PARG: variants seen among roughly 807,000 people sequenced by gnomAD.
PARG encodes poly(ADP-ribose) glycohydrolase.
In PARG, 35 loss-of-function variants were observed where a neutral mutation model predicts 113.0. The observed-to-expected ratio is 0.31, with a 90% CI of 0.24 to 0.41. The LOEUF is 0.41. Among genes scored for constraint, PARG ranks in the 10% least tolerant of loss-of-function variants. PARG has a pLI of 1.00. For missense variants in PARG, 797 were observed against 1,169.4 expected (o/e 0.68, Z 4.64); for synonymous variants, 330 against 409.9 (o/e 0.81, Z 2.36).
intron 13 of PARG, among the ~76,000 whole-genome samples, chr10:49,845,749 T>C (rs1554833200): frequency 6.6e-6 from 1 of 150,630 alleles, no homozygotes; most frequent in East Asian, 1.9e-4. Flanking sequence ...ATACAAAAAT[T>C]AGCTGAACAT....
At position 49,896,545 on chromosome 10, in the gene PARG, A is replaced by C. The variant is rs12266874; in HGVS notation, c.1738-11250T>G. The stretch of plus-strand genomic sequence containing the variant: ...GGTGATCCACCCGCCTTGGCCTCCC[A>C]GAGTGTTAGGATTACAGGCATGAGC... On this transcript the variant is annotated intron_variant, in intron 7 of 17. Transcript: ENST00000616448. Among the ~76,000 whole-genome samples the C allele has an allele frequency of 5.6e-3, 847 of 152,284 alleles. 3 individuals are homozygous for C. Among genetic ancestry groups the C allele is most frequent in the African/African-American group, 0.015 (628 of 41,548 alleles).
At chr10:49,935,324 A>G (rs1838693978) in intron 1 of PARG, among the ~76,000 whole-genome samples, 182 bp from the exon 2 acceptor site, 1 of 152,252 alleles carries the variant, frequency 6.6e-6, no homozygotes, top group African/African-American at 2.4e-5. Flanking sequence ...CACAGGGTAG[A>G]AAATGACTGG....
chr10:49,927,365 A>AGCAG (rs1404155495), intron 4 of PARG, among the ~76,000 whole-genome samples: 1 of 70,552 alleles, frequency 1.4e-5, no homozygotes, highest in African/African-American at 3.7e-5. Flanking sequence ...AAAGAAGGAA[A>AGCAG]GAAGGAAAGA....
Position 49,933,667 on chromosome 10 carries a change from T to C in PARG, c.781A>G (p.Ser261Gly), listed in dbSNP as rs1838602001. The C allele has an allele frequency of 6.2e-7, 1 of 1,610,402 alleles. No individual in the cohort carries two copies. The highest frequency in any genetic ancestry group is 1.7e-5 in the Admixed American group (1 of 59,984). ...TCAGAGCCAACATCTGACAATGGACTCTCTGGCACCACATCTATCTCATCT... is the reference window on the plus strand; with the variant it reads ...TCAGAGCCAACATCTGACAATGGACCCTCTGGCACCACATCTATCTCATCT... ...QQDEIDVVPE[S>G]PLSDVGSEDV... is the part of the protein sequence containing the mutation. Residue 261 changes from serine to glycine, a missense_variant, in exon 3 of 18, where the codon AGT becomes GGT. Coordinates refer to ENST00000616448, the MANE Select transcript of PARG (RefSeq NM_003631.5).
intron 11 of PARG, among the ~76,000 whole-genome samples, chr10:49,862,245 G>T (rs1347528633): frequency 6.6e-6 from 1 of 151,614 alleles, no homozygotes; most frequent in South Asian, 2.1e-4. Flanking sequence ...GGCCACTGAG[G>T]TATTGACTTA....
Position 49,933,382 on chromosome 10 carries a change from G to A in PARG, c.1066C>T (p.Arg356Trp), listed in dbSNP as rs1554910367. 3.2e-5 allele frequency: 51 copies of A among 1,613,282 alleles called. No homozygotes were observed. In the African/African-American group the frequency reaches 4.7e-4, roughly 15 times the overall value. ...ARDADIEFRK[R>W]YSTKGGEVRL... ...ACTTCACCGCCCTTAGTAGAGTACC[G>A]TTTCCTAAATTCAATGTCAGCGTCT... Residue 356 changes from arginine (R) to tryptophan (W), a missense_variant, in exon 3 of 18, where the codon CGG becomes TGG. Arg to Trp is a moderately radical substitution (Grantham distance 101). This residue lies in a region of PARG where 252 missense variants were observed against 437.4 expected (regional missense o/e 0.58). Coordinates refer to ENST00000616448, the MANE Select transcript of PARG (RefSeq NM_003631.5).
At chr10:49,847,314 T>C (rs1235224779) in intron 13 of PARG, among the ~76,000 whole-genome samples, 3 of 151,914 alleles carry the variant, frequency 2.0e-5, no homozygotes, top group Non-Finnish European at 2.9e-5. Context: ...AATTACAGAA[T>C]GAAAAAGTAT....
chr10:49,844,916 C>G (rs893890138), intron 13 of PARG, among the ~76,000 whole-genome samples: 14 of 152,130 alleles, frequency 9.2e-5, no homozygotes, highest in Non-Finnish European at 1.5e-5. Context: ...AAAAACACAA[C>G]CCAATTTAGA....
chr10:49,883,197 G>A (rs1187320951), intron 8 of PARG, among the ~76,000 whole-genome samples: 9 of 152,222 alleles, frequency 5.9e-5, no homozygotes, highest in Admixed American at 3.3e-4. Flanking sequence ...ACATGTATGC[G>A]TTGTTTTCTG....
chr10:49,835,564 T>C (rs1329576507), intron 15 of PARG, among the ~76,000 whole-genome samples: 1 of 151,614 alleles, frequency 6.6e-6, no homozygotes, highest in African/African-American at 2.4e-5. Context: ...AAGATGAAAA[T>C]ATTAGTACCT....
intron 1 of PARG, among the ~76,000 whole-genome samples, chr10:49,938,304 C>A (rs1229811531): frequency 1.3e-5 from 2 of 152,186 alleles, no homozygotes; most frequent in Non-Finnish European, 2.9e-5. Flanking sequence ...TATCTCCCGA[C>A]ATTTCCACCC....
At chr10:49,912,724 G>C (rs1554846646) in intron 7 of PARG, among the ~76,000 whole-genome samples, 1 of 152,148 alleles carries the variant, frequency 6.6e-6, no homozygotes, top group East Asian at 1.9e-4. Context: ...CAGCACTTTG[G>C]GAGGCTGAGG....
At chr10:49,888,055 T>C (rs140239863) in intron 7 of PARG, among the ~76,000 whole-genome samples, 2,232 of 152,270 alleles carry the variant, frequency 0.015, 68 homozygotes, top group African/African-American at 0.052. Context: ...TTTTTTAAAG[T>C]AGCTGCTGAA....
chr10:49,832,418 A>G lies in PARG; in HGVS notation c.2647+385T>C, dbSNP rs545623044. Among the ~76,000 whole-genome samples, 39 of 152,338 alleles carry G rather than the reference A, an allele frequency of 2.6e-4. No individual in the cohort carries two copies. In the East Asian group the frequency reaches 7.3e-3, roughly 29 times the overall value. On this transcript the variant is annotated intron_variant, in intron 16 of 17. Coordinates refer to ENST00000616448, the MANE Select transcript of PARG (RefSeq NM_003631.5). Reference sequence around the variant, plus strand: ...TCTCAGAGCCTACCACTGTGCCTAGAAAGTGGCAGAGGTGCTATTAAATTT... The same window carrying G: ...TCTCAGAGCCTACCACTGTGCCTAGGAAGTGGCAGAGGTGCTATTAAATTT...
intron 7 of PARG, among the ~76,000 whole-genome samples, chr10:49,891,250 G>A (rs1847763866): frequency 6.6e-6 from 1 of 152,170 alleles, no homozygotes; most frequent in African/African-American, 2.4e-5. Flanking sequence ...GGAGGCAGAG[G>A]TTGCAGTGAG....
chr10:49,852,429 C>T (rs1315010703), intron 13 of PARG, among the ~76,000 whole-genome samples: 2 of 151,278 alleles, frequency 1.3e-5, no homozygotes, highest in African/African-American at 4.9e-5. Flanking sequence ...AGACTGGGGA[C>T]AAATTATCTT....
At chr10:49,930,933 A>G (rs1400921535) in intron 4 of PARG, among the ~76,000 whole-genome samples, 9 of 125,590 alleles carry the variant, frequency 7.2e-5, no homozygotes, top group East Asian at 4.3e-4. Context: ...CAAAAAATGG[A>G]CTCAATATCA....
rs544811724 is a variant in PARG at position 49,832,525 on chromosome 10, G to A, written c.2647+278C>T. 1.7e-3 allele frequency among the ~76,000 whole-genome samples: 260 copies of A among 152,266 alleles called. 3 individuals are homozygous for A. Among genetic ancestry groups the A allele is most frequent in the South Asian group, 0.01 (50 of 4,830 alleles). The stretch of plus-strand genomic sequence containing the variant: ...AGTGAAAACTCAGGTTTGAAACTTC[G>A]CAGTCATTATATGCTCTTCTCCTCC... On this transcript the variant is annotated intron_variant, in intron 16 of 17. Coordinates refer to ENST00000616448, the MANE Select transcript of PARG (RefSeq NM_003631.5).
intron 15 of PARG, among the ~76,000 whole-genome samples, chr10:49,834,093 A>G (rs953357695): frequency 2.0e-5 from 3 of 152,214 alleles, no homozygotes; most frequent in African/African-American, 7.2e-5. Flanking sequence ...ACACTGTGGT[A>G]TAGAGCTTAC....
Sources: allele counts gnomAD v4.1 joint callset (sites outside exome capture counted in the v4.1 genomes callset), GRCh38; gene constraint gnomAD v4.1.1; regional missense constraint gnomAD v4.1.1; transcripts MANE v1.5; gene names NCBI Gene and HGNC (gene_info 2026-07-23, HGNC 2026-07-21).